Variants in PDIA5 observed in about 807,000 individuals in gnomAD.
The protein encoded by PDIA5 is protein disulfide-isomerase A5.
PDIA5 carries 58 observed loss-of-function variants against 77.6 expected under a neutral mutation model. That is an observed-to-expected ratio of 0.75 (90% CI 0.61 to 0.93). The LOEUF is 0.93. Among genes scored for constraint, PDIA5 ranks in the 40% least tolerant of loss-of-function variants. The pLI is 0.00. For missense variants in PDIA5, 630 were observed against 647.7 expected (o/e 0.97, Z 0.30); for synonymous variants, 250 against 252.1 (o/e 0.99, Z 0.08).
intron 1 of PDIA5, among the ~76,000 whole-genome samples, chr3:123,067,788 C>A (rs868808344): frequency 6.6e-6 from 1 of 152,144 alleles, no homozygotes; most frequent in East Asian, 1.9e-4. Context: ...GAGGCGGGCT[C>A]GAGCCTCAGC....
At chr3:123,072,448 A>G (rs1157376217) in intron 1 of PDIA5, among the ~76,000 whole-genome samples, 2 of 152,198 alleles carry the variant, frequency 1.3e-5, no homozygotes, top group Non-Finnish European at 2.9e-5. Context: ...GAAGGCAGTT[A>G]AGAGGAGGAG....
chr3:123,098,052 G>A (rs1934486918), intron 3 of PDIA5, among the ~76,000 whole-genome samples: 6 of 152,140 alleles, frequency 3.9e-5, no homozygotes, highest in Admixed American at 3.9e-4. Flanking sequence ...CAGGGGTTTG[G>A]AGGTTTTTTT....
In PDIA5 at chr3:123,109,451, G is replaced by A. The variant is rs148354895; in HGVS notation, c.481-1493G>A. Among the ~76,000 whole-genome samples, 613 of 152,256 alleles carry A rather than the reference G, an allele frequency of 4.0e-3. 1 individual carries two copies. Among genetic ancestry groups the A allele is most frequent in the African/African-American group, 0.014 (574 of 41,540 alleles). On this transcript the variant is annotated intron_variant, in intron 6 of 16. Transcript: ENST00000316218. ...TTAGAAGTGTTTGCATCCTGTACCC[G>A]TAGTTAGGGTTAAATATCTTGGTTA...
At chr3:123,100,760 G>C (rs1008515502) in intron 3 of PDIA5, among the ~76,000 whole-genome samples, 1 of 152,246 alleles carries the variant, frequency 6.6e-6, no homozygotes, top group Admixed American at 6.5e-5. Context: ...CATGTCCACT[G>C]ATGAGTGTTG....
intron 14 of PDIA5, among the ~76,000 whole-genome samples, chr3:123,151,604 C>A (rs905210410): frequency 5.9e-5 from 9 of 152,242 alleles, no homozygotes; most frequent in Middle Eastern, 3.2e-3. Flanking sequence ...GACTGAGGGG[C>A]CTTCATAGCA....
At chr3:123,133,992 T>TC (rs1429726861) in intron 11 of PDIA5, among the ~76,000 whole-genome samples, 53 of 135,042 alleles carry the variant, frequency 3.9e-4, no homozygotes, top group South Asian at 7.2e-4. Context: ...CTTTTCCTTT[T>TC]CTTTTCTTTT....
chr3:123,149,591 A>G (rs2717219), intron 13 of PDIA5, among the ~76,000 whole-genome samples: 65,527 of 151,934 alleles, frequency 0.43, 16,200 homozygotes, highest in African/African-American at 0.69. Context: ...AAGCAATAAC[A>G]TTTATCCAAT....
chr3:123,087,470 ATT>A (rs145616985), intron 1 of PDIA5, among the ~76,000 whole-genome samples: 2 of 124,210 alleles, frequency 1.6e-5, no homozygotes, highest in Non-Finnish European at 3.5e-5. Flanking sequence ...TTTCTAGGAG[ATT>A]TTTTTTTTTC....
intron 13 of PDIA5, 40 bp from the exon 14 acceptor site, chr3:123,150,194 C>T (rs11720822): frequency 0.073 from 112,753 of 1,545,620 alleles, 5,335 homozygotes; most frequent in Admixed American, 0.22. Flanking sequence ...CTAAAAATCT[C>T]TCCTTATGGC....
intron 5 of PDIA5, among the ~76,000 whole-genome samples, chr3:123,103,549 T>A (rs1198407715): frequency 6.6e-6 from 1 of 152,198 alleles, no homozygotes; most frequent in Non-Finnish European, 1.5e-5. Context: ...TCCCTCTTTC[T>A]CCATCTGTGT....
At chr3:123,075,273 G>A (rs754858183) in intron 1 of PDIA5, among the ~76,000 whole-genome samples, 6 of 152,204 alleles carry the variant, frequency 3.9e-5, no homozygotes, top group Non-Finnish European at 8.8e-5. Flanking sequence ...TAGAAGAGAG[G>A]TCTGATCTGG....
chr3:123,147,353 T>C (rs1560556721), intron 13 of PDIA5, among the ~76,000 whole-genome samples: 1 of 152,192 alleles, frequency 6.6e-6, no homozygotes, highest in African/African-American at 2.4e-5. Flanking sequence ...TCTCTAGATA[T>C]AGTCACATTC....
intron 1 of PDIA5, among the ~76,000 whole-genome samples, chr3:123,074,598 G>A (rs890560542): frequency 1.3e-5 from 2 of 152,180 alleles, no homozygotes; most frequent in Admixed American, 6.5e-5. Context: ...ATTTTAAGTT[G>A]TGATGAGCAT....
At chr3:123,116,203 A>G (rs981822602) in intron 7 of PDIA5, 28 bp from the exon 8 acceptor site, 2 of 1,602,698 alleles carry the variant, frequency 1.2e-6, no homozygotes, top group African/African-American at 2.7e-5. Flanking sequence ...CTGTAACCGG[A>G]TGTGGTCTCT....
chr3:123,136,662 C>T (rs1486882615), intron 11 of PDIA5, among the ~76,000 whole-genome samples: 2 of 147,652 alleles, frequency 1.4e-5, no homozygotes, highest in East Asian at 4.0e-4. Context: ...TTGCTTGAAC[C>T]CGGGAGGCAG....
intron 8 of PDIA5, among the ~76,000 whole-genome samples, chr3:123,122,865 T>C (rs1422710857): frequency 6.6e-6 from 1 of 152,256 alleles, no homozygotes; most frequent in Admixed American, 6.5e-5. Context: ...TCTCTCTGCT[T>C]CTGTAACTAC....
chr3:123,157,901 C>T (rs1936054853), intron 15 of PDIA5, among the ~76,000 whole-genome samples: 2 of 152,144 alleles, frequency 1.3e-5, no homozygotes, highest in South Asian at 4.2e-4. Context: ...TTTCACTGCA[C>T]GTCAAGGTGT....
chr3:123,079,244 G>A (rs759070672), intron 1 of PDIA5, among the ~76,000 whole-genome samples: 2 of 143,564 alleles, frequency 1.4e-5, no homozygotes, highest in Admixed American at 7.3e-5. Flanking sequence ...GCAATGGTGC[G>A]ATCTCGGCTC....
intron 15 of PDIA5, among the ~76,000 whole-genome samples, chr3:123,159,285 C>G (rs1936097460): frequency 1.3e-5 from 2 of 152,214 alleles, no homozygotes; most frequent in South Asian, 2.1e-4. Context: ...GGGCAGGGCC[C>G]CATAGCACCT....
Sources: gnomAD v4.1 joint callset for allele counts (sites outside exome capture counted in the v4.1 genomes callset) on GRCh38, gnomAD v4.1.1 for gene constraint, MANE v1.5 for transcripts, NCBI Gene and HGNC (gene_info 2026-07-23, HGNC 2026-07-21) for gene names.